Variants in HMCN2 observed in about 807,000 individuals in gnomAD.
HMCN2 encodes the protein hemicentin-2.
A neutral mutation model predicts 377.5 loss-of-function variants in HMCN2; 325 were observed. The ratio of observed to expected loss-of-function variants is 0.86; its 90% CI spans 0.79 to 0.94. The LOEUF is 0.94. HMCN2 is among the 40% of genes least tolerant of loss of function. The pLI is 0.00. For missense variants in HMCN2, 4,543 were observed against 4,725.3 expected, an observed-to-expected ratio of 0.96 and a Z score of 1.13; for synonymous variants, 2,007 against 2,046.8, an observed-to-expected ratio of 0.98 and a Z score of 0.53.
Position 130,428,545 on chromosome 9 carries a change from A to G in HMCN2, c.14197+56A>G, listed in dbSNP as rs1844532585. 24 of 1,529,082 alleles carry G rather than the reference A, an allele frequency of 1.6e-5. No individual in the cohort carries two copies. Among genetic ancestry groups the G allele is most frequent in the South Asian group, 7.2e-5 (6 of 83,404 alleles). 94.7% of individuals were successfully genotyped at this position (1,529,082 alleles called of 1,614,324 possible). ...TACTCCTGGAAACCCAGAGGTTGCC[A>G]GGGATCAGCTGACAGGGGGCTGTGT... is the stretch of plus-strand genomic sequence containing the variant. On this transcript the variant is annotated intron_variant, in intron 93 of 97. Coordinates refer to ENST00000683500, the MANE Select transcript of HMCN2 (RefSeq NM_001291815.2). The surrounding 1 kb of genome is among the most constrained non-coding windows in gnomAD (Gnocchi z 5.0).
rs560595535 is a variant in HMCN2, at chr9:130,399,379, A to G, written c.11484-132A>G. ...GACCTGTGGGGCAGAAACTTCTAGA[A>G]GACATTTCTAGAGTCAGGGCTGGAG... is the stretch of plus-strand genomic sequence containing the variant. On this transcript the variant is annotated intron_variant, in intron 75 of 97. Coordinates refer to ENST00000683500, the MANE Select transcript of HMCN2 (RefSeq NM_001291815.2). 44 of 1,068,634 alleles carry G rather than the reference A, an allele frequency of 4.1e-5. No individual in the cohort carries two copies. The African/African-American group carries it at 6.6e-4, about 16-fold the overall frequency. 66.2% of individuals were successfully genotyped at this position (1,068,634 alleles called of 1,614,324 possible). A position where few individuals can be genotyped will look rare whatever the true frequency, so the allele number is the denominator to read the frequency against.
intron 1 of HMCN2, among the ~76,000 whole-genome samples, chr9:130,274,490 T>A (rs1834571015): frequency 6.6e-6 from 1 of 152,262 alleles, no homozygotes; most frequent in Non-Finnish European, 1.5e-5. Flanking sequence ...CCATTTCATG[T>A]GTGCAATCAG....
chr9:130,272,796 G>A (rs1259165199), intron 1 of HMCN2, among the ~76,000 whole-genome samples: 1 of 152,130 alleles, frequency 6.6e-6, no homozygotes, highest in Non-Finnish European at 1.5e-5. Flanking sequence ...GGGCTCAAGC[G>A]GTCCACCCAC....
chr9:130,332,905 T>C (rs1437393866), intron 22 of HMCN2, among the ~76,000 whole-genome samples: 2 of 152,080 alleles, frequency 1.3e-5, no homozygotes, highest in Admixed American at 1.3e-4. Flanking sequence ...TGCCGTTCAT[T>C]CCACGGCCGC....
chr9:130,309,803 G>A (rs140597468), intron 14 of HMCN2, 109 bp from the exon 15 acceptor site: 1 of 342,822 alleles, frequency 2.9e-6, no homozygotes, highest in African/African-American at 2.2e-5. Context: ...CCATCTCCCA[G>A]GCCCCAACCT....
chr9:130,402,495 G>A (rs776179414), intron 77 of HMCN2, among the ~76,000 whole-genome samples: 4 of 152,320 alleles, frequency 2.6e-5, no homozygotes, highest in Non-Finnish European at 4.4e-5. Context: ...GCAGATCCTG[G>A]AACTTCACAG....
chr9:130,351,395 G>A lies in HMCN2; in HGVS notation c.4431-28G>A, dbSNP rs780847696. On this transcript the variant is annotated intron_variant, in intron 29 of 97. Coordinates refer to ENST00000683500, the MANE Select transcript of HMCN2 (RefSeq NM_001291815.2). The surrounding 1 kb of genome is among the most constrained non-coding windows in gnomAD (Gnocchi z 5.4). ...TCCCATCCAGCCCCTCGGCCTTACTGGCGCTTTTCCCTTGCCCGTCTCTCC... is the reference window on the plus strand; with the variant it reads ...TCCCATCCAGCCCCTCGGCCTTACTAGCGCTTTTCCCTTGCCCGTCTCTCC... 38 of 1,291,256 alleles carry A rather than the reference G, an allele frequency of 2.9e-5. 1 individual carries two copies. In the Middle Eastern group the frequency reaches 6.4e-4, roughly 22 times the overall value. 80.0% of individuals were successfully genotyped at this position (1,291,256 alleles called of 1,614,324 possible). A position where few individuals can be genotyped will look rare whatever the true frequency, so the allele number is the denominator to read the frequency against.
chr9:130,292,973 T>TCTATCTATCTAC (rs1362324613), intron 4 of HMCN2, among the ~76,000 whole-genome samples: 19 of 131,844 alleles, frequency 1.4e-4, no homozygotes, highest in East Asian at 2.7e-4. Flanking sequence ...TATCTATCTA[T>TCTATCTATCTAC]CTATCTATCT....
chr9:130,362,818 T>A (rs774900854), intron 39 of HMCN2, 49 bp from the exon 40 acceptor site: 286 of 985,558 alleles, frequency 2.9e-4, no homozygotes, highest in Non-Finnish European at 3.4e-4. Context: ...CCTTGGGGCC[T>A]GCAACAGCAG....
intron 92 of HMCN2, among the ~76,000 whole-genome samples, chr9:130,427,984 T>C (rs1159497794): frequency 6.6e-6 from 1 of 152,170 alleles, no homozygotes; most frequent in Non-Finnish European, 1.5e-5. Context: ...CTCAGCAATG[T>C]TGCTGGATGA....
At chr9:130,382,983 C>CA in intron 56 of HMCN2, 117 bp downstream of exon 56, 1 of 587,820 alleles carries the variant, frequency 1.7e-6, no homozygotes, top group Non-Finnish European at 2.1e-6. Context: ...GGGAACCATG[C>CA]TGGAGCCCAG....
rs146662877 is a variant in HMCN2 at position 130,290,221 on chromosome 9, C to T, written c.612+3911C>T. Among the ~76,000 whole-genome samples, 668 of 152,320 alleles carry T rather than the reference C, an allele frequency of 4.4e-3. 6 individuals carry two copies. The highest frequency in any genetic ancestry group is 0.015 in the African/African-American group (641 of 41,572). ...ACCACAGGTCTAGAAGGCAATGTCC[C>T]CAGGCCTGGCCCTACAGGGGGGTCT... On this transcript the variant is annotated intron_variant, in intron 4 of 97. Transcript: ENST00000683500.
rs533169090 is a variant in HMCN2, at chr9:130,354,912, G to A, written c.5014G>A (p.Glu1672Lys). 12 of 1,304,022 alleles carry A rather than the reference G, an allele frequency of 9.2e-6. No homozygotes were observed. The highest frequency in any genetic ancestry group is 2.1e-4 in the Middle Eastern group (1 of 4,706). The allele number at this position is 1,304,022 out of a possible 1,614,324, so 80.8% of individuals were successfully genotyped here. A position where few individuals can be genotyped will look rare whatever the true frequency, so the allele number is the denominator to read the frequency against. The change falls in exon 32 of 98, where the codon GAG becomes AAG. Residue 1672 changes from glutamate (E) to lysine (K), a missense_variant. By Grantham distance (56) the Glu-to-Lys change is moderately conservative. Transcript: ENST00000683500. ...HEGLPVAESNESRLETDGSVL... is the reference protein window; with the variant it reads ...HEGLPVAESNKSRLETDGSVL... ...GGGGCTGCCCGTGGCAGAGAGCAAC[G>A]AGTCGCGGCTGGAGACAGACGGGAG... is the stretch of plus-strand genomic sequence containing the variant.
At chr9:130,391,781 G>A (rs558874502) in intron 65 of HMCN2, among the ~76,000 whole-genome samples, 154 bp from the exon 66 acceptor site, 1 of 152,152 alleles carries the variant, frequency 6.6e-6, no homozygotes, top group Non-Finnish European at 1.5e-5. Flanking sequence ...GGGAGTGGCT[G>A]TGTCCCCCAT....
In HMCN2 at chr9:130,430,547, A is replaced by G; in HGVS notation, c.14590A>G (p.Ser4864Gly). The part of the protein sequence containing the change: ...SLRPGPMALS[S>G]VGRAWCPPGF... ...CCGTCCGGGTCCCATGGCCCTGAGC[A>G]GTGTGGGCCGGGCCTGGTGCCCTCC... Residue 4864 changes from serine (S) to glycine (G), a missense_variant, in exon 95 of 98, where the codon AGT (serine) becomes GGT (glycine). Ser to Gly is a moderately conservative substitution (Grantham distance 56). Around this residue, in one of 5 missense-constraint regions of HMCN2, gnomAD observed 1,155 missense variants for 1,157.7 expected, o/e 1.00. Coordinates refer to ENST00000683500, the MANE Select transcript of HMCN2 (RefSeq NM_001291815.2). 1 of 1,550,528 alleles carries G rather than the reference A, an allele frequency of 6.4e-7. No individual in the cohort carries two copies. Among genetic ancestry groups the G allele is most frequent in the East Asian group, 2.4e-5 (1 of 40,914 alleles).
chr9:130,406,109 C>T lies in HMCN2; in HGVS notation c.12494C>T (p.Ala4165Val). Residue 4165 changes from alanine to valine, a missense_variant, in exon 82 of 98, where the codon GCA becomes GTA. Physicochemically the swap from Ala to Val is moderately conservative, Grantham distance 64. This residue lies in a region of HMCN2 where 1,073 missense variants were observed against 1,319.5 expected (regional missense o/e 0.81). Coordinates refer to ENST00000683500, the MANE Select transcript of HMCN2 (RefSeq NM_001291815.2). ...RLGDRLWLRC[A>V]ARGSPTPRIG... The stretch of plus-strand genomic sequence containing the variant: ...GGGGACAGGCTGTGGCTTCGCTGTG[C>T]AGCCCGGGGCAGCCCCACCCCTCGC... 1 of 1,289,878 alleles carries T rather than the reference C, an allele frequency of 7.8e-7. No individual in the cohort carries two copies. The highest frequency in any genetic ancestry group is 1.2e-5 in the South Asian group (1 of 81,026). The allele number at this position is 1,289,878 out of a possible 1,614,324, so 79.9% of individuals were successfully genotyped here. A position where few individuals can be genotyped will look rare whatever the true frequency, so the allele number is the denominator to read the frequency against.
intron 32 of HMCN2, 99 bp from the exon 33 acceptor site, chr9:130,355,647 G>C (rs1366658303): frequency 1.6e-6 from 1 of 615,520 alleles, no homozygotes; most frequent in Non-Finnish European, 2.7e-6. Flanking sequence ...TGAGGGTGAG[G>C]TGCAGCTGGG....
At position 130,352,022 on chromosome 9, in the gene HMCN2, G is replaced by A. The variant is rs187917115; in HGVS notation, c.4585+445G>A. On this transcript the variant is annotated intron_variant, in intron 30 of 97. Transcript: ENST00000683500. ...AGGTGGGGTTTCACCATGTTGGCCA[G>A]GCTGGCCTTGAACTCCTGACCTCAA... Among the ~76,000 whole-genome samples the A allele has an allele frequency of 1.6e-3, 236 of 152,182 alleles. 2 individuals carry two copies. The highest frequency in any genetic ancestry group is 5.3e-3 in the African/African-American group (220 of 41,522).
At position 130,422,825 on chromosome 9, in the gene HMCN2, C is replaced by A. The variant is rs1178301385; in HGVS notation, c.13381+99C>A. The A allele has an allele frequency of 5.9e-6, 6 of 1,020,626 alleles. No individual in the cohort carries two copies. In the African/African-American group the frequency reaches 8.3e-5, roughly 14 times the overall value. 63.2% of individuals were successfully genotyped at this position (1,020,626 alleles called of 1,614,324 possible). A position where few individuals can be genotyped will look rare whatever the true frequency, so the allele number is the denominator to read the frequency against. ...GGACCTAGGAGGCGCAGAGCCTGTG[C>A]CCCGAGACTTGCTCAAGGCCTGATG... On this transcript the variant is annotated intron_variant, in intron 87 of 97. Coordinates refer to ENST00000683500, the MANE Select transcript of HMCN2 (RefSeq NM_001291815.2). The surrounding 1 kb of genome is among the most constrained non-coding windows in gnomAD (Gnocchi z 4.2).
Sources: gnomAD v4.1 joint callset for allele counts (sites outside exome capture counted in the v4.1 genomes callset) on GRCh38, gnomAD v4.1.1 for gene constraint, gnomAD v4.1.1 regional missense constraint, Gnocchi (gnomAD v3.1) non-coding constraint, MANE v1.5 for transcripts, NCBI Gene and HGNC (gene_info 2026-07-23, HGNC 2026-07-21) for gene names.